CPNE6: variants seen among roughly 807,000 people sequenced by gnomAD.
CPNE6 encodes the protein copine-6.
In CPNE6, 33 loss-of-function variants were observed where a neutral mutation model predicts 71.5. That is an observed-to-expected ratio of 0.46 (90% CI 0.35 to 0.62). The LOEUF is 0.62. Among genes scored for constraint, CPNE6 ranks in the 20% least tolerant of loss-of-function variants. The pLI is 0.00. For synonymous variants in CPNE6, 296 were observed against 293.0 expected, an observed-to-expected ratio of 1.01 and a Z score of -0.10; for missense variants, 576 against 747.3, an observed-to-expected ratio of 0.77 and a Z score of 2.67.
rs757928633 is a variant in CPNE6 at position 24,071,561 on chromosome 14, C to A, written c.-85C>A. 1 of 1,421,996 alleles carries A rather than the reference C, an allele frequency of 7.0e-7. No homozygotes were observed. The highest frequency in any genetic ancestry group is 9.3e-7 in the Non-Finnish European group (1 of 1,070,022). The allele number at this position is 1,421,996 out of a possible 1,614,324, so 88.1% of individuals were successfully genotyped here. ...ATAGCAGCAGAGCCGGAGCTGGAGC[C>A]GGCGCCAGCGGCTGGAGCAGCAAGG... is the stretch of plus-strand genomic sequence containing the variant. On this transcript the variant is annotated 5_prime_UTR_variant, in exon 2 of 18. Coordinates refer to ENST00000397016, the Ensembl canonical transcript of CPNE6.
intron 1 of CPNE6, chr14:24,071,351 A>G: frequency 6.9e-7 from 1 of 1,439,330 alleles, no homozygotes; most frequent in Non-Finnish European, 9.1e-7. Flanking sequence ...GAAGGGGAAG[A>G]TGTGTGTCAC....
chr14:24,074,014 A>T lies in CPNE6; in HGVS notation c.349-37A>T. On this transcript the variant is annotated intron_variant, in intron 4 of 17. Transcript: ENST00000397016. The surrounding 1 kb of genome is among the most constrained non-coding windows in gnomAD (Gnocchi z 4.5). ...TTGTACGTGGCCAAGGCAGATGGGG[A>T]TGTCACAGCTGGGTCTCCCTCCACC... is the stretch of plus-strand genomic sequence containing the variant. 6.4e-7 allele frequency: 1 copy of T among 1,560,922 alleles called. No homozygotes were observed. The highest frequency in any genetic ancestry group is 1.4e-5 in the African/African-American group (1 of 73,868).
At chr14:24,071,501 G>GGGGGGCCCCCCCCCC in intron 1 of CPNE6, 61 bp from the exon 1 acceptor site, 14 of 1,416,676 alleles carry the variant, frequency 9.9e-6, no homozygotes, top group Non-Finnish European at 1.3e-5. Flanking sequence ...CTGGTGCTGC[G>GGGGGGCCCCCCCCCC]CCCCCCCCCA....
Position 24,077,599 on chromosome 14 carries a change from C to T in CPNE6, c.1543C>T (p.Pro515Ser). The T allele has an allele frequency of 6.3e-7, 1 of 1,581,370 alleles. No homozygotes were observed. Among genetic ancestry groups the T allele is most frequent in the Non-Finnish European group, 8.6e-7 (1 of 1,162,438 alleles). The change falls in exon 17 of 18, where the codon CCC becomes TCC. Residue 515 changes from proline (P) to serine (S), a missense_variant. Physicochemically the swap from Pro to Ser is moderately conservative, Grantham distance 74. This residue lies in a region of CPNE6 where 264 missense variants were observed against 339.9 expected (regional missense o/e 0.78). Coordinates refer to ENST00000397016, the Ensembl canonical transcript of CPNE6. This position sits in a 1 kb window ranked among gnomAD's most constrained non-coding sequence, Gnocchi z 6.1. ...ATCACTGTCCCCACCCTAGGCTGCC[C>T]CCTCTGCACTCGCCAAGTGTGTCCT...
At position 24,077,340 on chromosome 14, in the gene CPNE6, C is replaced by G; in HGVS notation, c.1486C>G (p.Pro496Ala). ...CCCCTTGCGCTGCCCCCGAGGGGTG[C>G]CTGCAGCCCGAGACATTGTCCAGTT... is the stretch of plus-strand genomic sequence containing the variant. The change falls in exon 16 of 18, where the codon CCT becomes GCT. Residue 496 changes from proline to alanine, a missense_variant. This residue lies in a region of CPNE6 where 264 missense variants were observed against 339.9 expected (regional missense o/e 0.78). Transcript: ENST00000397016. This position sits in a 1 kb window ranked among gnomAD's most constrained non-coding sequence, Gnocchi z 6.1. The G allele has an allele frequency of 1.2e-6, 2 of 1,613,964 alleles. No individual in the cohort carries two copies. Among genetic ancestry groups the G allele is most frequent in the East Asian group, 2.2e-5 (1 of 44,876 alleles).
At chr14:24,071,503 C>T (rs771737070) in intron 1 of CPNE6, 59 bp from the exon 1 acceptor site, 61 of 750,292 alleles carry the variant, frequency 8.1e-5, no homozygotes, top group Admixed American at 2.4e-4. Context: ...GGTGCTGCGC[C>T]CCCCCCCACC....
exon 13 of CPNE6, chr14:24,076,363 T>A: frequency 6.2e-7 from 1 of 1,614,192 alleles, no homozygotes; most frequent in Non-Finnish European, 8.5e-7. Flanking sequence ...TCCCCAGTGA[T>A]AAGCGGTTCC....
Position 24,074,310 on chromosome 14 carries a change from C to A in CPNE6, c.443C>A (p.Ser148Ter). 6.4e-7 allele frequency: 1 copy of A among 1,573,434 alleles called. No homozygotes were observed. Among genetic ancestry groups the A allele is most frequent in the Non-Finnish European group, 8.6e-7 (1 of 1,157,696 alleles). Residue 148 changes from serine (S) to a stop codon, truncating the protein, a stop_gained, in exon 6 of 18, where the codon TCA becomes TAA. Coordinates refer to ENST00000397016, the Ensembl canonical transcript of CPNE6. LOFTEE classifies it high-confidence loss of function. The surrounding 1 kb of genome is among the most constrained non-coding windows in gnomAD (Gnocchi z 4.5). ...TTGCAGATCGTGGCCGAGGAGGTAT[C>A]AGGCACAAACGACTATGTGCAACTC... is the stretch of plus-strand genomic sequence containing the variant.
exon 3 of CPNE6, chr14:24,072,964 C>T: frequency 6.3e-7 from 1 of 1,584,282 alleles, no homozygotes; most frequent in East Asian, 2.4e-5. Context: ...GGGATGGGTG[C>T]CTGAGCCCCC....
At chr14:24,071,154 T>C in intron 1 of CPNE6, 1 of 1,128,820 alleles carries the variant, frequency 8.9e-7, no homozygotes, top group Non-Finnish European at 1.3e-6. Context: ...TCCCAATGTG[T>C]ATCCGCCGGG....
chr14:24,072,970 C>A, exon 3 of CPNE6: 2 of 1,585,764 alleles, frequency 1.3e-6, no homozygotes, highest in Non-Finnish European at 8.6e-7. Flanking sequence ...GGTGCCTGAG[C>A]CCCCAACCAT....
chr14:24,075,749 C>A lies in CPNE6; in HGVS notation c.865-78C>A. 1.4e-6 allele frequency: 2 copies of A among 1,458,326 alleles called. No individual in the cohort carries two copies. The highest frequency in any genetic ancestry group is 9.6e-7 in the Non-Finnish European group (1 of 1,042,746). 90.3% of individuals were successfully genotyped at this position (1,458,326 alleles called of 1,614,324 possible). On this transcript the variant is annotated intron_variant, in intron 10 of 17. Coordinates refer to ENST00000397016, the Ensembl canonical transcript of CPNE6. The surrounding 1 kb of genome is among the most constrained non-coding windows in gnomAD (Gnocchi z 4.3). ...CAAAAAACTCTGGCTCCCCCATGTT[C>A]CCCACAGAAGCCCTACCCAAGCTCC...
In CPNE6 at chr14:24,075,429, G is replaced by T; in HGVS notation, c.778-76G>T. ...GACGGAACCATGGGGGTCTTGCTCT[G>T]GGAGGCTCTGCTGGAAGGGAGAAAG... On this transcript the variant is annotated intron_variant, in intron 9 of 17. Transcript: ENST00000397016. The surrounding 1 kb of genome is among the most constrained non-coding windows in gnomAD (Gnocchi z 4.3). 6.8e-7 allele frequency: 1 copy of T among 1,477,466 alleles called. No homozygotes were observed. 91.5% of individuals were successfully genotyped at this position (1,477,466 alleles called of 1,614,324 possible). A position where few individuals can be genotyped will look rare whatever the true frequency, so the allele number is the denominator to read the frequency against.
Position 24,073,745 on chromosome 14 carries a change from AAGAG to A in CPNE6, c.348+71_348+74del. ...ATCAGCTTTGCCTCTGGAAGCCAAAAAGAGAGAAAACATGAGCTCTAGAGCTAGT... is the reference window on the plus strand; with the variant it reads ...ATCAGCTTTGCCTCTGGAAGCCAAAAAGAAAACATGAGCTCTAGAGCTAGT... On this transcript the variant is annotated intron_variant, in intron 4 of 17. Coordinates refer to ENST00000397016, the Ensembl canonical transcript of CPNE6. The surrounding 1 kb of genome is among the most constrained non-coding windows in gnomAD (Gnocchi z 5.5). 6.6e-7 allele frequency: 1 copy of A among 1,522,378 alleles called. No homozygotes were observed. Among genetic ancestry groups the A allele is most frequent in the Non-Finnish European group, 8.9e-7 (1 of 1,126,758 alleles). The allele number at this position is 1,522,378 out of a possible 1,614,324, so 94.3% of individuals were successfully genotyped here.
rs772229554 is a variant in CPNE6, at chr14:24,072,906, T to C, written c.-4-27T>C. ...GCTGGCAGGTGTTCCCTTTCCAGAGTCCAGGCCACCTGCTCTGTCCCCACA... is the reference window on the plus strand; with the variant it reads ...GCTGGCAGGTGTTCCCTTTCCAGAGCCCAGGCCACCTGCTCTGTCCCCACA... On this transcript the variant is annotated intron_variant, in intron 2 of 17. Transcript: ENST00000397016. The C allele has an allele frequency of 4.0e-6, 6 of 1,506,206 alleles. No individual in the cohort carries two copies. In the East Asian group the frequency reaches 1.6e-4, roughly 39 times the overall value. The allele number at this position is 1,506,206 out of a possible 1,614,324, so 93.3% of individuals were successfully genotyped here.
Position 24,073,618 on chromosome 14 carries a change from C to T in CPNE6, c.288C>T (p.Asp96=), listed in dbSNP as rs368466252. 1.0e-4 allele frequency: 169 copies of T among 1,613,984 alleles called. No homozygotes were observed. Among genetic ancestry groups the T allele is most frequent in the South Asian group, 7.1e-4 (65 of 91,074 alleles). ...AGTTCCACGTGTTCGATGCCGAGGA[C>T]GGAGCCACCAGCCCCCGAAATGATA... Residue 96 remains aspartate (D), a synonymous_variant, in exon 4 of 18, where the codon GAC becomes GAT. Transcript: ENST00000397016. This position sits in a 1 kb window ranked among gnomAD's most constrained non-coding sequence, Gnocchi z 5.5.
chr14:24,074,369 G>A lies in CPNE6; in HGVS notation c.498+4G>A. On this transcript the variant is annotated splice_donor_region_variant and intron_variant, in intron 6 of 17. Transcript: ENST00000397016. This position sits in a 1 kb window ranked among gnomAD's most constrained non-coding sequence, Gnocchi z 4.5. ...AGCCTACAAGCTGGACAACAAGGTT[G>A]GAACCCCAGAGTCCAGGCCCCCAAC... The A allele has an allele frequency of 6.4e-7, 1 of 1,553,106 alleles. No individual in the cohort carries two copies.
rs1160972141 is a variant in CPNE6 at position 24,075,987 on chromosome 14, A to G, written c.924+101A>G. On this transcript the variant is annotated intron_variant, in intron 11 of 17. Coordinates refer to ENST00000397016, the Ensembl canonical transcript of CPNE6. This position sits in a 1 kb window ranked among gnomAD's most constrained non-coding sequence, Gnocchi z 4.3. Reference sequence around the variant, plus strand: ...TCCACTGCCCCAACTTGGGCTGCTCATGAGCCTTCGCATTGTCAGCTTATG... The same window carrying G: ...TCCACTGCCCCAACTTGGGCTGCTCGTGAGCCTTCGCATTGTCAGCTTATG... 13 of 1,531,590 alleles carry G rather than the reference A, an allele frequency of 8.5e-6. No individual in the cohort carries two copies. Among genetic ancestry groups the G allele is most frequent in the Non-Finnish European group, 1.1e-5 (12 of 1,110,078 alleles). 94.9% of individuals were successfully genotyped at this position (1,531,590 alleles called of 1,614,324 possible).
chr14:24,076,392 C>A (rs2138852400), exon 13 of CPNE6: 1 of 1,614,190 alleles, frequency 6.2e-7, no homozygotes, highest in Non-Finnish European at 8.5e-7. Flanking sequence ...GGCTTTGGGG[C>A]TCGAATCCCC....
Sources: gnomAD v4.1 joint callset for allele counts on GRCh38, gnomAD v4.1.1 for gene constraint, gnomAD v4.1.1 regional missense constraint, Gnocchi (gnomAD v3.1) non-coding constraint, MANE v1.5 for transcripts, NCBI Gene and HGNC (gene_info 2026-07-23, HGNC 2026-07-21) for gene names.